WDR83: variants seen among roughly 807,000 people sequenced by gnomAD.
The protein encoded by WDR83 is WD repeat domain-containing protein 83.
A neutral mutation model predicts 37.7 loss-of-function variants in WDR83; 37 were observed. The ratio of observed to expected loss-of-function variants is 0.98; its 90% CI spans 0.76 to 1.29. WDR83 has a LOEUF of 1.29. WDR83 is among the 50% of genes most tolerant of loss of function. WDR83 has a pLI of 0.00. For synonymous variants in WDR83, 174 were observed against 181.1 expected (o/e 0.96, Z 0.31); for missense variants, 445 against 414.4 (o/e 1.07, Z -0.64).
rs1479192842 is a variant in WDR83 at position 12,670,624 on chromosome 19, C to T, written c.379+13C>T. The stretch of plus-strand genomic sequence containing the variant: ...GTTATCCTGTCCGGTGAGTCTGGGG[C>T]CTAAGCACGGGGGCCCAGGGTGCTG... On this transcript the variant is annotated intron_variant, in intron 6 of 10. Coordinates refer to ENST00000418543, the MANE Select transcript of WDR83 (RefSeq NM_001099737.3). The T allele has an allele frequency of 4.3e-6, 7 of 1,614,092 alleles. No individual in the cohort carries two copies. The highest frequency in any genetic ancestry group is 2.2e-5 in the East Asian group (1 of 44,896).
In WDR83 at chr19:12,669,764, A is replaced by G. The variant is rs757265599; in HGVS notation, c.-27A>G. The G allele has an allele frequency of 3.2e-6, 5 of 1,562,888 alleles. No individual in the cohort carries two copies. The highest frequency in any genetic ancestry group is 1.7e-4 in the Middle Eastern group (1 of 5,788). The stretch of plus-strand genomic sequence containing the variant: ...GGAATTTTCCGTACAGACCGATTTA[A>G]GGCTGCAAGGAAGGAGTCCTGGGAG... On this transcript the variant is annotated 5_prime_UTR_variant, in exon 3 of 11. Coordinates refer to ENST00000418543, the MANE Select transcript of WDR83 (RefSeq NM_001099737.3).
intron 10 of WDR83, among the ~76,000 whole-genome samples, chr19:12,674,909 A>G (rs1437551771): frequency 1.3e-5 from 2 of 151,742 alleles, no homozygotes; most frequent in African/African-American, 4.8e-5. Context: ...AGGTCAGGAG[A>G]TAGAGATCAT....
chr19:12,669,407 G>A, intron 2 of WDR83: 1 of 1,594,020 alleles, frequency 6.3e-7, no homozygotes, highest in Non-Finnish European at 8.6e-7. Flanking sequence ...TGGACATAGC[G>A]AGTCGAAGGC....
intron 10 of WDR83, among the ~76,000 whole-genome samples, chr19:12,674,098 G>A (rs553850033): frequency 1.3e-3 from 192 of 152,324 alleles, no homozygotes; most frequent in Non-Finnish European, 2.2e-3. Flanking sequence ...AGGAAACAAA[G>A]GCTTCAGGGT....
At chr19:12,670,453 C>T (rs1255957824) in intron 5 of WDR83, 110 bp from the exon 6 acceptor site, 1 of 1,566,146 alleles carries the variant, frequency 6.4e-7, no homozygotes, top group Non-Finnish European at 8.8e-7. Context: ...TGCTGTTCCC[C>T]CAAAACCTTT....
intron 2 of WDR83, chr19:12,669,370 G>A: frequency 6.2e-7 from 1 of 1,602,254 alleles, no homozygotes; most frequent in Non-Finnish European, 8.5e-7. Flanking sequence ...ACTTTGTTCG[G>A]CCTCCGTGGG....
At chr19:12,669,409 G>A in intron 2 of WDR83, 1 of 1,593,170 alleles carries the variant, frequency 6.3e-7, no homozygotes, top group South Asian at 1.1e-5. Context: ...GACATAGCGA[G>A]TCGAAGGCCA....
chr19:12,671,624 G>A (rs2024420184), intron 7 of WDR83, among the ~76,000 whole-genome samples: 1 of 151,266 alleles, frequency 6.6e-6, no homozygotes, highest in African/African-American at 2.5e-5. Context: ...TACACTCCTG[G>A]GCGATAGAGC....
chr19:12,671,994 TG>T (rs1165341518), intron 7 of WDR83, among the ~76,000 whole-genome samples: 1 of 152,086 alleles, frequency 6.6e-6, no homozygotes, highest in African/African-American at 2.4e-5. Context: ...CCGCGCCTGG[TG>T]GAAAAAATAT....
intron 5 of WDR83, 129 bp from the exon 6 acceptor site, chr19:12,670,434 C>T (rs1334140444): frequency 6.6e-7 from 1 of 1,518,964 alleles, no homozygotes; most frequent in South Asian, 1.2e-5. Context: ...AGTCACCAAC[C>T]CCTGTCCTTG....
At position 12,670,104 on chromosome 19, in the gene WDR83, C is replaced by G; in HGVS notation, c.224+7C>G. 1 of 1,609,472 alleles carries G rather than the reference C, an allele frequency of 6.2e-7. No individual in the cohort carries two copies. The highest frequency in any genetic ancestry group is 8.5e-7 in the Non-Finnish European group (1 of 1,176,974). ...AGGTGCTGGATGCGGCCGGGTGAGC[C>G]GGGGACCAGGCTGGGATGGGAGCGC... On this transcript the variant is annotated splice_region_variant and intron_variant, in intron 4 of 10. Transcript: ENST00000418543.
Position 12,670,059 on chromosome 19 carries a change from G to A in WDR83, c.186G>A (p.Thr62=), listed in dbSNP as rs748453421. The part of the protein sequence containing the change: ...WNPLRGTLLR[T]YSGHGYEVLD... ...CGCTTCGGGGGACGCTGCTGCGGAC[G>A]TACAGCGGCCACGGCTACGAGGTGC... The change falls in exon 4 of 11, where the codon ACG becomes ACA. Residue 62 remains threonine, a synonymous_variant. Coordinates refer to ENST00000418543, the MANE Select transcript of WDR83 (RefSeq NM_001099737.3). 6.2e-6 allele frequency: 10 copies of A among 1,612,788 alleles called. No homozygotes were observed. The highest frequency in any genetic ancestry group is 8.5e-6 in the Non-Finnish European group (10 of 1,179,158).
chr19:12,675,791 A>G lies in WDR83; in HGVS notation c.*119A>G. On this transcript the variant is annotated 3_prime_UTR_variant, in exon 11 of 11. Coordinates refer to ENST00000418543, the MANE Select transcript of WDR83 (RefSeq NM_001099737.3). ...AGTAGGGGAGGGGCTGGGTCTGCAA[A>G]TTAATAAATAGAAGAGGGGGTAAGA... 6.4e-7 allele frequency: 1 copy of G among 1,567,632 alleles called. No individual in the cohort carries two copies. The highest frequency in any genetic ancestry group is 8.7e-7 in the Non-Finnish European group (1 of 1,154,542).
intron 1 of WDR83, among the ~76,000 whole-genome samples, chr19:12,667,650 A>C (rs1806202719): frequency 6.6e-6 from 1 of 151,906 alleles, no homozygotes; most frequent in Non-Finnish European, 1.5e-5. Context: ...CAAGAGCAAA[A>C]CTCTGTCTCA....
rs1444987027 is a variant in WDR83, at chr19:12,670,791, T to C, written c.476T>C (p.Val159Ala). Residue 159 changes from valine (V) to alanine (A), a missense_variant, in exon 7 of 11, where the codon GTG becomes GCG. Physicochemically the swap from Val to Ala is moderately conservative, Grantham distance 64. Coordinates refer to ENST00000418543, the MANE Select transcript of WDR83 (RefSeq NM_001099737.3). ...LDEARDGVSS[V>A]KVSDHEILAG... Reference sequence around the variant, plus strand: ...GAGGCCAGAGATGGCGTGTCCAGTGTGAAGGTGTCAGACCACGAGATCCTG... The same window carrying C: ...GAGGCCAGAGATGGCGTGTCCAGTGCGAAGGTGTCAGACCACGAGATCCTG... The C allele has an allele frequency of 3.7e-6, 6 of 1,613,922 alleles. No individual in the cohort carries two copies. The highest frequency in any genetic ancestry group is 5.1e-6 in the Non-Finnish European group (6 of 1,179,996).
rs1050621348 is a variant in WDR83, at chr19:12,673,112, G to A, written c.679G>A (p.Gly227Ser). 7.4e-6 allele frequency: 12 copies of A among 1,612,600 alleles called. No individual in the cohort carries two copies. The African/African-American group carries it at 1.3e-4, about 18-fold the overall frequency. The change falls in exon 9 of 11, where the codon GGC becomes AGC. Residue 227 changes from glycine to serine, a missense_variant. Coordinates refer to ENST00000418543, the MANE Select transcript of WDR83 (RefSeq NM_001099737.3). The part of the protein sequence containing the change: ...LLDKDTGELL[G>S]EYKGHKNQEY... ...GGACAAAGACACAGGGGAGCTGCTG[G>A]GCGAGTGAGTCCTTGTGGTCGTGGG...
rs750623097 is a variant in WDR83, at chr19:12,670,213, C to T, written c.258C>T (p.Gly86=). 1.9e-6 allele frequency: 3 copies of T among 1,614,084 alleles called. No homozygotes were observed. Among genetic ancestry groups the T allele is most frequent in the South Asian group, 1.1e-5 (1 of 91,076 alleles). The part of the protein sequence containing the change: ...SFDNSSLCSG[G]GDKAVVLWDV... ...ACAACAGTAGTCTCTGCTCCGGCGG[C>T]GGGGACAAGGCGGTGGTTCTGTGGG... is the stretch of plus-strand genomic sequence containing the variant. Residue 86 remains glycine (G), a synonymous_variant, in exon 5 of 11, where the codon GGC becomes GGT. Transcript: ENST00000418543.
In WDR83 at chr19:12,666,890, C is replaced by A. The variant is rs1599362089; in HGVS notation, c.-259C>A. ...CAGGAAGGTAGGAAAATGCCACCCTCAGGGCACTGGTTGGGCTAAAGGTGA... is the reference window on the plus strand; with the variant it reads ...CAGGAAGGTAGGAAAATGCCACCCTAAGGGCACTGGTTGGGCTAAAGGTGA... On this transcript the variant is annotated 5_prime_UTR_variant, in exon 1 of 11. It introduces an in-frame stop codon into an upstream open reading frame of the 5' UTR. Transcript: ENST00000418543. 6 of 604,162 alleles carry A rather than the reference C, an allele frequency of 9.9e-6. No individual in the cohort carries two copies. The East Asian group carries it at 1.7e-4, about 17-fold the overall frequency. 37.4% of individuals were successfully genotyped at this position (604,162 alleles called of 1,614,324 possible). A position where few individuals can be genotyped will look rare whatever the true frequency, so the allele number is the denominator to read the frequency against.
intron 10 of WDR83, among the ~76,000 whole-genome samples, chr19:12,673,665 C>T (rs986171557): frequency 2.6e-5 from 4 of 151,458 alleles, no homozygotes; most frequent in African/African-American, 9.7e-5. Context: ...ATCCACCCAC[C>T]TCAGCCTTCC....
Sources: allele counts gnomAD v4.1 joint callset (sites outside exome capture counted in the v4.1 genomes callset), GRCh38; gene constraint gnomAD v4.1.1; transcripts MANE v1.5; gene names NCBI Gene and HGNC (gene_info 2026-07-23, HGNC 2026-07-21).